The following PACRG variants were observed in gnomAD, a reference collection of about 807,000 sequenced individuals.
PACRG encodes the protein parkin coregulated, also known as parkin coregulated gene protein.
PACRG carries 29 observed loss-of-function variants against 29.7 expected under a neutral mutation model. The ratio of observed to expected loss-of-function variants is 0.98; its 90% confidence interval spans 0.73 to 1.33. The LOEUF is 1.33. PACRG is among the 40% of genes most tolerant of loss of function. The pLI is 0.00. For synonymous variants in PACRG, 116 were observed against 118.7 expected, an observed-to-expected ratio of 0.98 and a Z score of 0.15; for missense variants, 279 against 316.2, an observed-to-expected ratio of 0.88 and a Z score of 0.89.
chr6:162,759,510 T>C (rs1436177800), intron 1 of PACRG, among the ~76,000 whole-genome samples: 2 of 152,252 alleles, frequency 1.3e-5, no homozygotes, highest in Non-Finnish European at 2.9e-5. Context: ...ATAGTGGGTA[T>C]CATTTATTTA....
At chr6:163,096,460 G>A (rs1471178647) in intron 4 of PACRG, among the ~76,000 whole-genome samples, 1 of 152,224 alleles carries the variant, frequency 6.6e-6, no homozygotes, top group Non-Finnish European at 1.5e-5. Context: ...AACAAGAAAT[G>A]GGACAAAGCA....
chr6:163,014,626 A>G (rs771627081), intron 2 of PACRG, among the ~76,000 whole-genome samples: 3 of 151,638 alleles, frequency 2.0e-5, no homozygotes, highest in African/African-American at 7.3e-5. Context: ...GCATTTTTTC[A>G]GGTTTGTTGG....
chr6:163,249,576 G>C (rs1040915385), intron 4 of PACRG, among the ~76,000 whole-genome samples: 3 of 152,194 alleles, frequency 2.0e-5, no homozygotes, highest in African/African-American at 7.2e-5. Context: ...CTCGCCTCCT[G>C]TGCCTGCTTA....
At chr6:162,894,627 A>T (rs1795027635) in intron 2 of PACRG, among the ~76,000 whole-genome samples, 2 of 152,226 alleles carry the variant, frequency 1.3e-5, no homozygotes, top group Non-Finnish European at 2.9e-5. Context: ...CGATATTCTA[A>T]GGTGACATGG....
At position 163,015,838 on chromosome 6, in the gene PACRG, T is replaced by C. The variant is rs533785040; in HGVS notation, c.292-46312T>C. Among the ~76,000 whole-genome samples, 14 of 152,346 alleles carry C rather than the reference T, an allele frequency of 9.2e-5. 1 individual carries two copies. The South Asian group carries it at 2.9e-3, about 32-fold the overall frequency. On this transcript the variant is annotated intron_variant, in intron 2 of 4. Transcript: ENST00000366888. ...TTGGATGCCTTTTATTTCTGTCTGTTGTGTAGGCACTATTTTAAAAGGAGT... is the reference window on the plus strand; with the variant it reads ...TTGGATGCCTTTTATTTCTGTCTGTCGTGTAGGCACTATTTTAAAAGGAGT...
At chr6:163,020,103 G>A (rs1414778059) in intron 2 of PACRG, among the ~76,000 whole-genome samples, 1 of 152,152 alleles carries the variant, frequency 6.6e-6, no homozygotes, top group Non-Finnish European at 1.5e-5. Flanking sequence ...TAAACTGTCA[G>A]GGTAACAATG....
intron 1 of PACRG, among the ~76,000 whole-genome samples, chr6:162,798,476 T>C (rs1302088537): frequency 6.6e-6 from 1 of 152,212 alleles, no homozygotes; most frequent in African/African-American, 2.4e-5. Context: ...TTGTGCCTTA[T>C]GTTAGCTGCT....
chr6:163,018,366 A>G (rs1412578587), intron 2 of PACRG, among the ~76,000 whole-genome samples: 1 of 152,168 alleles, frequency 6.6e-6, no homozygotes, highest in Non-Finnish European at 1.5e-5. Flanking sequence ...GCTTAAGGCA[A>G]TGCCTCACCA....
chr6:162,914,745 AT>A (rs1796588529), intron 2 of PACRG, among the ~76,000 whole-genome samples: 1 of 151,612 alleles, frequency 6.6e-6, no homozygotes, highest in Non-Finnish European at 1.5e-5. Context: ...ATGTTTTGTA[AT>A]TTTTTAGTGC....
chr6:163,214,631 G>A (rs938694825), intron 4 of PACRG, among the ~76,000 whole-genome samples: 10 of 151,808 alleles, frequency 6.6e-5, no homozygotes, highest in African/African-American at 2.4e-4. Context: ...TTATTTCAAT[G>A]TCTTTTACTA....
chr6:163,277,908 C>T (rs918884947), intron 4 of PACRG, among the ~76,000 whole-genome samples: 1 of 152,130 alleles, frequency 6.6e-6, no homozygotes, highest in Non-Finnish European at 1.5e-5. Flanking sequence ...TAAGGAATCT[C>T]CACACTATTT....
chr6:162,994,604 G>T (rs1481605303), intron 2 of PACRG, among the ~76,000 whole-genome samples: 1 of 150,928 alleles, frequency 6.6e-6, no homozygotes, highest in East Asian at 2.0e-4. Flanking sequence ...GCTCCTTTAA[G>T]CACTTCTCTG....
intron 1 of PACRG, among the ~76,000 whole-genome samples, chr6:162,730,665 T>C (rs908471772): frequency 1.3e-5 from 2 of 152,012 alleles, no homozygotes; most frequent in Admixed American, 6.6e-5. Flanking sequence ...AAAATAATGA[T>C]AAATGTAAAT....
intron 2 of PACRG, among the ~76,000 whole-genome samples, chr6:162,958,775 T>C (rs1374803139): frequency 1.4e-5 from 2 of 146,022 alleles, no homozygotes; most frequent in Non-Finnish European, 3.0e-5. Flanking sequence ...CACATACACA[T>C]AAATATACAT....
intron 1 of PACRG, 131 bp from the exon 2 acceptor site, chr6:162,814,016 A>G: frequency 2.1e-6 from 2 of 952,898 alleles, no homozygotes; most frequent in Non-Finnish European, 1.5e-6. Context: ...GTTGTCCCTT[A>G]TTTGATAATG....
At chr6:162,900,818 C>T (rs2128057493) in intron 2 of PACRG, among the ~76,000 whole-genome samples, 1 of 152,318 alleles carries the variant, frequency 6.6e-6, no homozygotes, top group South Asian at 2.1e-4. Context: ...AATGTTGCAT[C>T]TCCTGAGAGC....
At chr6:163,050,900 T>G (rs1014776445) in intron 2 of PACRG, among the ~76,000 whole-genome samples, 5 of 152,184 alleles carry the variant, frequency 3.3e-5, no homozygotes, top group African/African-American at 9.6e-5. Context: ...CTTTCTTAAT[T>G]ATGAAAAATT....
chr6:162,903,038 G>GTTTTT (rs888180002), intron 2 of PACRG, among the ~76,000 whole-genome samples: 1 of 152,156 alleles, frequency 6.6e-6, no homozygotes, highest in African/African-American at 2.4e-5. Context: ...CTATGTCTGG[G>GTTTTT]TTTTAAAGAT....
intron 4 of PACRG, among the ~76,000 whole-genome samples, chr6:163,202,913 A>G (rs1307692380): frequency 6.6e-6 from 1 of 152,146 alleles, no homozygotes; most frequent in Non-Finnish European, 1.5e-5. Context: ...GTGCCTTTTC[A>G]TCTCTAGTCT....
Sources: gnomAD v4.1 joint callset for allele counts (sites outside exome capture counted in the v4.1 genomes callset) on GRCh38, gnomAD v4.1.1 for gene constraint, MANE v1.5 for transcripts, NCBI Gene and HGNC (gene_info 2026-07-23, HGNC 2026-07-21) for gene names.